MYT1L: variants seen among roughly 807,000 people sequenced by gnomAD.
MYT1L encodes myelin transcription factor 1-like protein.
A neutral mutation model predicts 126.7 loss-of-function variants in MYT1L; 12 were observed. The ratio of observed to expected loss-of-function variants is 0.09; its 90% CI spans 0.06 to 0.15. The LOEUF (loss-of-function observed/expected upper bound fraction) is 0.15, where lower values mean the gene tolerates loss of function less well. Ranked by LOEUF, MYT1L falls within the 10% of genes least tolerant of loss-of-function variation. MYT1L has a pLI of 1.00. For synonymous variants in MYT1L, 541 were observed against 604.2 expected (o/e 0.90, Z 1.53); for missense variants, 979 against 1,585.2 (o/e 0.62, Z 6.49).
intron 2 of MYT1L, among the ~76,000 whole-genome samples, chr2:2,214,090 G>T (rs902635252): frequency 3.3e-5 from 5 of 151,624 alleles, no homozygotes; most frequent in African/African-American, 1.2e-4. Context: ...CTTGCAGAAA[G>T]AAATACGAGT....
At chr2:2,243,767 G>C (rs1371557577) in intron 2 of MYT1L, among the ~76,000 whole-genome samples, 14 of 152,192 alleles carry the variant, frequency 9.2e-5, no homozygotes, top group African/African-American at 2.4e-4. Flanking sequence ...TCTGGTGGGA[G>C]CTGCGAGCAA....
chr2:1,957,156 G>A (rs1288970043), intron 8 of MYT1L, among the ~76,000 whole-genome samples: 2 of 152,174 alleles, frequency 1.3e-5, no homozygotes, highest in Non-Finnish European at 2.9e-5. Context: ...GGTTCACTGG[G>A]CGCGTGGCTT....
At chr2:1,900,506 A>G (rs72472169) in intron 14 of MYT1L, among the ~76,000 whole-genome samples, 1 of 152,192 alleles carries the variant, frequency 6.6e-6, no homozygotes, top group East Asian at 1.9e-4. Flanking sequence ...TCACCGTGTT[A>G]GCCAGGATGG....
chr2:1,982,624 C>T lies in MYT1L; in HGVS notation c.1-2847G>A, dbSNP rs528911443. ...TGTGTTCCTCACAGAGGGAACAGGA[C>T]GTGTAAAGACCCAAAGGCTTGGAGA... On this transcript the variant is annotated intron_variant, in intron 5 of 24. Transcript: ENST00000647738. 5.9e-5 allele frequency among the ~76,000 whole-genome samples: 9 copies of T among 152,234 alleles called. No individual in the cohort carries two copies. The East Asian group carries it at 1.5e-3, about 26-fold the overall frequency.
rs1012214657 is a variant in MYT1L, at chr2:1,922,636, T to C, written c.1133A>G (p.Asp378Gly). Residue 378 changes from aspartate (D) to glycine (G), a missense_variant, in exon 10 of 25, where the codon GAC becomes GGC. By Grantham distance (94) the Asp-to-Gly change is moderately conservative. Around this residue, in one of 12 missense-constraint regions of MYT1L, gnomAD observed 243 missense variants for 363.9 expected, o/e 0.67. Coordinates refer to ENST00000647738, the MANE Select transcript of MYT1L (RefSeq NM_001303052.2). The surrounding 1 kb of genome is among the most constrained non-coding windows in gnomAD (Gnocchi z 7.4). ...PGRTPDRNYSDMLNLMRLEEQ... is the reference protein window; with the variant it reads ...PGRTPDRNYSGMLNLMRLEEQ... Reference sequence around the variant, plus strand: ...CTCCAGCCGCATGAGGTTCAGCATGTCCGAGTAGTTTCTGTCCGGCGTCCT... The same window carrying C: ...CTCCAGCCGCATGAGGTTCAGCATGCCCGAGTAGTTTCTGTCCGGCGTCCT... 1 of 1,613,976 alleles carries C rather than the reference T, an allele frequency of 6.2e-7. No homozygotes were observed. Among genetic ancestry groups the C allele is most frequent in the Non-Finnish European group, 8.5e-7 (1 of 1,179,880 alleles).
chr2:1,794,456 TTGTTATTCCTGGGGCC>T (rs749766139), intron 23 of MYT1L, among the ~76,000 whole-genome samples: 3 of 152,216 alleles, frequency 2.0e-5, no homozygotes, highest in South Asian at 2.1e-4. Flanking sequence ...GAGAAGACAT[TTGTTATTCCTGGGGCC>T]TGTGATCTGG....
At position 1,951,883 on chromosome 2, in the gene MYT1L, C is replaced by T. The variant is rs147196419; in HGVS notation, c.153-8549G>A. 3.2e-3 allele frequency among the ~76,000 whole-genome samples: 493 copies of T among 152,306 alleles called. 4 individuals are homozygous for T. Among genetic ancestry groups the T allele is most frequent in the South Asian group, 9.5e-3 (46 of 4,830 alleles). On this transcript the variant is annotated intron_variant, in intron 8 of 24. Transcript: ENST00000647738. Reference sequence around the variant, plus strand: ...GTTACTCTTATACGTTTCTAGAATACATAAAAGCACTTAAAAAGATGTCAG... The same window carrying T: ...GTTACTCTTATACGTTTCTAGAATATATAAAAGCACTTAAAAAGATGTCAG...
chr2:2,132,931 C>T (rs1426299166), intron 3 of MYT1L, among the ~76,000 whole-genome samples: 1 of 152,080 alleles, frequency 6.6e-6, no homozygotes, highest in Non-Finnish European at 1.5e-5. Context: ...AGTCCCCTGT[C>T]CTGTCCTTAA....
At chr2:2,277,859 C>T (rs1051697202) in intron 2 of MYT1L, among the ~76,000 whole-genome samples, 2 of 152,044 alleles carry the variant, frequency 1.3e-5, no homozygotes, top group Non-Finnish European at 2.9e-5. Context: ...ATTAACATAC[C>T]TTAATTTGAA....
intron 3 of MYT1L, among the ~76,000 whole-genome samples, chr2:2,080,992 C>T (rs2075765835): frequency 6.6e-6 from 1 of 152,120 alleles, no homozygotes; most frequent in African/African-American, 2.4e-5. Context: ...CTGTAACTGT[C>T]AAGGGCTGCT....
At chr2:2,214,140 CAG>C (rs1010118582) in intron 2 of MYT1L, among the ~76,000 whole-genome samples, 2 of 151,200 alleles carry the variant, frequency 1.3e-5, no homozygotes, top group African/African-American at 2.4e-5. Flanking sequence ...CTAAATGAAA[CAG>C]AGAGAAAAAA....
At chr2:1,820,040 GC>G (rs1216147085) in intron 21 of MYT1L, among the ~76,000 whole-genome samples, 1 of 150,148 alleles carries the variant, frequency 6.7e-6, no homozygotes, top group Non-Finnish European at 1.5e-5. Flanking sequence ...GTGGGGGGGG[GC>G]CAGCGAGGAA....
At chr2:1,846,191 T>G (rs145465112) in intron 19 of MYT1L, among the ~76,000 whole-genome samples, 4 of 152,106 alleles carry the variant, frequency 2.6e-5, no homozygotes, top group African/African-American at 9.7e-5. Flanking sequence ...TGCGTGAGAG[T>G]GCGCCAGGCT....
At chr2:2,263,498 A>C (rs2095042903) in intron 2 of MYT1L, among the ~76,000 whole-genome samples, 1 of 152,168 alleles carries the variant, frequency 6.6e-6, no homozygotes, top group African/African-American at 2.4e-5. Flanking sequence ...ATTCCTAAAA[A>C]GGCCTTTTGC....
intron 18 of MYT1L, among the ~76,000 whole-genome samples, chr2:1,879,282 C>T (rs2047269131): frequency 6.6e-6 from 1 of 152,152 alleles, no homozygotes; most frequent in Non-Finnish European, 1.5e-5. Context: ...CATTTTGCTC[C>T]AGGGAACTAT....
rs1400786561 is a variant in MYT1L at position 1,809,509 on chromosome 2, T to A, written c.3081-342A>T. Among the ~76,000 whole-genome samples, 4 of 152,176 alleles carry A rather than the reference T, an allele frequency of 2.6e-5. No individual in the cohort carries two copies. In the East Asian group the frequency reaches 7.7e-4, roughly 29 times the overall value. ...GCTTTTTGGAACTTTTGTAGAGTGA[T>A]AATATTGCTTAAAAATCTTTATTAT... is the stretch of plus-strand genomic sequence containing the variant. On this transcript the variant is annotated intron_variant, in intron 21 of 24. Transcript: ENST00000647738.
At position 2,016,783 on chromosome 2, in the gene MYT1L, A is replaced by G. The variant is rs1334962813; in HGVS notation, c.-157-19436T>C. ...CTGTAATCATCTAGATCACGTGAAG[A>G]CACGAAACCACATAGGAGCTACCAG... On this transcript the variant is annotated intron_variant, in intron 4 of 24. Coordinates refer to ENST00000647738, the MANE Select transcript of MYT1L (RefSeq NM_001303052.2). Among the ~76,000 whole-genome samples, 4 of 152,268 alleles carry G rather than the reference A, an allele frequency of 2.6e-5. No individual in the cohort carries two copies. The South Asian group carries it at 6.2e-4, about 24-fold the overall frequency.
At chr2:2,065,608 C>T (rs552892629) in intron 3 of MYT1L, among the ~76,000 whole-genome samples, 1 of 152,242 alleles carries the variant, frequency 6.6e-6, no homozygotes, top group East Asian at 1.9e-4. Flanking sequence ...ACAAAGGGAG[C>T]ACATGTCTAC....
chr2:2,329,629 A>G (rs983629066), intron 1 of MYT1L, among the ~76,000 whole-genome samples: 6 of 152,338 alleles, frequency 3.9e-5, no homozygotes, highest in East Asian at 1.9e-4. Flanking sequence ...TTAAAAGCAG[A>G]AGGATTATAT....
Sources: gnomAD v4.1 joint callset for allele counts (sites outside exome capture counted in the v4.1 genomes callset) on GRCh38, gnomAD v4.1.1 for gene constraint, gnomAD v4.1.1 regional missense constraint, Gnocchi (gnomAD v3.1) non-coding constraint, MANE v1.5 for transcripts, NCBI Gene and HGNC (gene_info 2026-07-23, HGNC 2026-07-21) for gene names.